PCDH15: variants seen among roughly 807,000 people sequenced by gnomAD.
The protein encoded by PCDH15 is protocadherin related 15, also known as protocadherin-15.
A neutral mutation model predicts 178.5 loss-of-function variants in PCDH15; 129 were observed. The ratio of observed to expected loss-of-function variants is 0.72; its 90% confidence interval spans 0.63 to 0.84. The LOEUF (loss-of-function observed/expected upper bound fraction) is 0.84, where lower values mean the gene tolerates loss of function less well. Ranked by LOEUF, PCDH15 falls within the 40% of genes least tolerant of loss-of-function variation. PCDH15 has a pLI of 0.00. For missense variants in PCDH15, 2,230 were observed against 2,099.9 expected (o/e 1.06, Z -1.21); for synonymous variants, 800 against 732.0 (o/e 1.09, Z -1.50).
intron 8 of PCDH15, among the ~76,000 whole-genome samples, chr10:54,305,226 CAAG>C (rs150889363): frequency 0.011 from 1,679 of 152,056 alleles, 33 homozygotes; most frequent in African/African-American, 0.038. Context: ...TTGTTTTAAT[CAAG>C]AAGAACTGAA....
intron 2 of PCDH15, among the ~76,000 whole-genome samples, chr10:55,587,899 G>A (rs1842758364): frequency 6.6e-6 from 1 of 152,032 alleles, no homozygotes; most frequent in Admixed American, 6.6e-5. Flanking sequence ...CCAGAATAAT[G>A]TCAGTCATAT....
At chr10:54,789,221 A>C (rs1010417761) in intron 1 of PCDH15, among the ~76,000 whole-genome samples, 2 of 151,930 alleles carry the variant, frequency 1.3e-5, no homozygotes. Context: ...AAAATCCTTA[A>C]AGACATACTA....
chr10:55,604,324 T>G (rs948092626), intron 2 of PCDH15, among the ~76,000 whole-genome samples: 2 of 139,880 alleles, frequency 1.4e-5, no homozygotes, highest in Non-Finnish European at 3.1e-5. Flanking sequence ...CTGTCAACAT[T>G]AGACAGATCA....
At chr10:54,877,675 A>G (rs1954170771) in intron 3 of PCDH15, among the ~76,000 whole-genome samples, 1 of 152,144 alleles carries the variant, frequency 6.6e-6, no homozygotes, top group Non-Finnish European at 1.5e-5. Context: ...TAAAAATTCA[A>G]TCACTTAGTT....
chr10:54,729,674 C>G (rs1420077986), intron 1 of PCDH15, among the ~76,000 whole-genome samples: 2 of 151,666 alleles, frequency 1.3e-5, no homozygotes, highest in South Asian at 2.1e-4. Flanking sequence ...GTCTAATATC[C>G]AGAACCTATA....
chr10:54,200,260 C>T (rs2050086933), intron 10 of PCDH15, among the ~76,000 whole-genome samples: 2 of 138,052 alleles, frequency 1.4e-5, no homozygotes, highest in South Asian at 4.7e-4. Flanking sequence ...TGTGCATCTA[C>T]AGAGCCCACT....
At chr10:54,722,284 C>G (rs1289437225) in intron 1 of PCDH15, among the ~76,000 whole-genome samples, 1 of 151,508 alleles carries the variant, frequency 6.6e-6, no homozygotes, top group African/African-American at 2.4e-5. Context: ...AAGTTGAAAA[C>G]AATCTCCATA....
rs150684482 is a variant in PCDH15, at chr10:54,731,018, A to G, written c.-28-66728T>C. ...ATATTTGCAAACTATCCACCTGGCA[A>G]GAGATTAACAACCAGAATATATAAG... On this transcript the variant is annotated intron_variant, in intron 1 of 37. Transcript: ENST00000644397. Among the ~76,000 whole-genome samples, 4 of 151,582 alleles carry G rather than the reference A, an allele frequency of 2.6e-5. No homozygotes were observed. The East Asian group carries it at 7.8e-4, about 29-fold the overall frequency.
At position 53,834,417 on chromosome 10, in the gene PCDH15, A is replaced by T. The variant is rs559088829; in HGVS notation, c.3984-2884T>A. Among the ~76,000 whole-genome samples, 27 of 115,100 alleles carry T rather than the reference A, an allele frequency of 2.3e-4. No individual in the cohort carries two copies. In the East Asian group the frequency reaches 0.014, roughly 58 times the overall value. The allele number at this position is 115,100 out of a possible 152,430, so 75.5% of individuals were successfully genotyped here. A position where few individuals can be genotyped will look rare whatever the true frequency, so the allele number is the denominator to read the frequency against. ...TATTATCTCCTGATTTTCCATATTT[A>T]TTTTGTTTTTTAGTATTTATTGCTG... On this transcript the variant is annotated intron_variant, in intron 29 of 37. Coordinates refer to ENST00000644397, the MANE Select transcript of PCDH15 (RefSeq NM_001384140.1).
At chr10:55,175,953 G>T (rs565315221) in intron 1 of PCDH15, among the ~76,000 whole-genome samples, 3 of 152,162 alleles carry the variant, frequency 2.0e-5, no homozygotes, top group Admixed American at 2.0e-4. Context: ...CCAGTCTGCA[G>T]TGGGGACCAC....
At chr10:54,068,957 G>T (rs1357308670) in intron 17 of PCDH15, among the ~76,000 whole-genome samples, 1 of 152,166 alleles carries the variant, frequency 6.6e-6, no homozygotes, top group African/African-American at 2.4e-5. Context: ...TACTTGACTA[G>T]ATGGAATCCA....
rs890727285 is a variant in PCDH15 at position 55,549,932 on chromosome 10, T to G, written c.-156+77693A>C. Among the ~76,000 whole-genome samples, 696 of 138,932 alleles carry G rather than the reference T, an allele frequency of 5.0e-3. 5 individuals are homozygous for G. The highest frequency in any genetic ancestry group is 0.017 in the African/African-American group (660 of 38,580). The allele number at this position is 138,932 out of a possible 152,430, so 91.1% of individuals were successfully genotyped here. ...CATGTGTTTCTGTGAGTGTTGGGGG[T>G]GTGTGTGTGCGCATGCGTGCATTTT... On this transcript the variant is annotated intron_variant, in intron 2 of 5. Transcript: ENST00000613346.
chr10:55,142,441 T>C (rs1179115071), intron 2 of PCDH15, among the ~76,000 whole-genome samples: 1 of 151,492 alleles, frequency 6.6e-6, no homozygotes, highest in African/African-American at 2.4e-5. Context: ...AATGGATAAA[T>C]AGATGGACAG....
intron 2 of PCDH15, among the ~76,000 whole-genome samples, chr10:55,584,357 T>TA (rs5785145): frequency 0.67 from 97,995 of 146,942 alleles, 32,584 homozygotes; most frequent in African/African-American, 0.75. Context: ...GAAGTTTCCT[T>TA]AAAAAAAAAA....
At chr10:54,579,134 C>T (rs1483430339) in intron 2 of PCDH15, among the ~76,000 whole-genome samples, 3 of 151,970 alleles carry the variant, frequency 2.0e-5, no homozygotes, top group African/African-American at 7.3e-5. Flanking sequence ...GGGATCAAAA[C>T]CTCACATATA....
chr10:55,623,915 C>A (rs758516870), intron 2 of PCDH15, among the ~76,000 whole-genome samples: 11 of 152,078 alleles, frequency 7.2e-5, no homozygotes, highest in Non-Finnish European at 1.6e-4. Context: ...AAATACTATG[C>A]ATCACAATAG....
chr10:54,986,772 A>T (rs2131911286), intron 2 of PCDH15, among the ~76,000 whole-genome samples: 1 of 152,152 alleles, frequency 6.6e-6, no homozygotes, highest in East Asian at 1.9e-4. Context: ...AATGCATCAT[A>T]TTTTTCTCAT....
chr10:54,675,890 T>C (rs995510426), intron 1 of PCDH15, among the ~76,000 whole-genome samples: 12 of 152,216 alleles, frequency 7.9e-5, no homozygotes, highest in African/African-American at 2.9e-4. Flanking sequence ...AAAAGAAACG[T>C]ATCATTTTCA....
intron 15 of PCDH15, among the ~76,000 whole-genome samples, chr10:54,108,836 G>T (rs1205838416): frequency 6.6e-6 from 1 of 152,142 alleles, no homozygotes; most frequent in Non-Finnish European, 1.5e-5. Context: ...CAGTCATGAG[G>T]CTCCCATTTC....
Sources: allele counts gnomAD v4.1 joint callset (sites outside exome capture counted in the v4.1 genomes callset), GRCh38; gene constraint gnomAD v4.1.1; transcripts MANE v1.5; gene names NCBI Gene and HGNC (gene_info 2026-07-23, HGNC 2026-07-21).